The following SLC23A2 variants were observed in gnomAD, a reference collection of about 807,000 sequenced individuals.
SLC23A2 encodes solute carrier family 23 member 2.
In SLC23A2, 36 loss-of-function variants were observed where a neutral mutation model predicts 73.3. That is an observed-to-expected ratio of 0.49 (90% CI 0.38 to 0.65). The LOEUF (loss-of-function observed/expected upper bound fraction) is 0.65, where lower values mean the gene tolerates loss of function less well. SLC23A2 is among the 30% of genes least tolerant of loss of function. The pLI, the probability that SLC23A2 is intolerant of heterozygous loss-of-function variation, is 0.00. For missense variants in SLC23A2, 507 were observed against 841.6 expected, an observed-to-expected ratio of 0.60 and a Z score of 4.92; for synonymous variants, 343 against 327.3, an observed-to-expected ratio of 1.05 and a Z score of -0.52.
chr20:4,957,553 G>A (rs2087310331), intron 2 of SLC23A2, among the ~76,000 whole-genome samples: 1 of 148,418 alleles, frequency 6.7e-6, no homozygotes, highest in African/African-American at 2.5e-5. Flanking sequence ...TCTTATCCCA[G>A]CATGTCAGAG....
chr20:4,951,455 G>A (rs1344475086), intron 2 of SLC23A2, among the ~76,000 whole-genome samples: 2 of 152,274 alleles, frequency 1.3e-5, no homozygotes, highest in Middle Eastern at 3.4e-3. Context: ...AGCTGGGCAG[G>A]AAAAAGCAAA....
chr20:4,896,317 C>T (rs552113815), intron 6 of SLC23A2, among the ~76,000 whole-genome samples: 7 of 152,124 alleles, frequency 4.6e-5, no homozygotes, highest in African/African-American at 7.2e-5. Context: ...TGAGGCCGTG[C>T]GGAGCAGGAG....
chr20:5,004,678 C>CTGAA (rs2088170248), upstream of SLC23A2, among the ~76,000 whole-genome samples: 1 of 151,794 alleles, frequency 6.6e-6, no homozygotes, highest in Non-Finnish European at 1.5e-5. Context: ...GACCCCATCT[C>CTGAA]TGAATAAATA....
In SLC23A2 at chr20:4,887,947, C is replaced by T. The variant is rs369283273; in HGVS notation, c.483-2038G>A. ...TAACAAAGCCAATTTTCCAAGAAAA[C>T]GGCTGAAGGTGATGAGAGTGGCTTT... On this transcript the variant is annotated intron_variant, in intron 6 of 16. Transcript: ENST00000338244. Among the ~76,000 whole-genome samples the T allele has an allele frequency of 3.3e-5, 5 of 152,312 alleles. No homozygotes were observed. In the East Asian group the frequency reaches 7.7e-4, roughly 24 times the overall value.
At chr20:4,867,652 G>T in intron 13 of SLC23A2, 118 bp downstream of exon 13, 4 of 425,388 alleles carry the variant, frequency 9.4e-6, no homozygotes, top group Middle Eastern at 3.9e-4. Flanking sequence ...AAAAAAAGGA[G>T]AGAAGTAATT....
chr20:4,891,355 G>A (rs546961374), intron 6 of SLC23A2, among the ~76,000 whole-genome samples: 1 of 152,340 alleles, frequency 6.6e-6, no homozygotes, highest in African/African-American at 2.4e-5. Flanking sequence ...GCTAACAGAG[G>A]AAGGGTGGAG....
rs6037996 is a variant in SLC23A2, at chr20:4,862,401, C to T, written c.1487-316G>A. 3.3e-5 allele frequency among the ~76,000 whole-genome samples: 5 copies of T among 152,212 alleles called. No individual in the cohort carries two copies. The highest frequency in any genetic ancestry group is 6.5e-5 in the Admixed American group (1 of 15,278). Reference sequence around the variant, plus strand: ...ATTTTGATTAAACAGGGAGACCTACCTAAATATCTGGTGCATGTCTCTGGT... The same window carrying T: ...ATTTTGATTAAACAGGGAGACCTACTTAAATATCTGGTGCATGTCTCTGGT... On this transcript the variant is annotated intron_variant, in intron 14 of 16. Coordinates refer to ENST00000338244, the MANE Select transcript of SLC23A2 (RefSeq NM_005116.6). This position sits in a 1 kb window ranked among gnomAD's most constrained non-coding sequence, Gnocchi z 5.1.
intron 9 of SLC23A2, among the ~76,000 whole-genome samples, chr20:4,879,333 C>T (rs979616919): frequency 1.5e-5 from 2 of 136,328 alleles, no homozygotes; most frequent in Non-Finnish European, 3.0e-5. Flanking sequence ...TGCTGGCAGC[C>T]GGGAGGTGGT....
At chr20:4,953,821 G>A (rs765038242) in intron 2 of SLC23A2, among the ~76,000 whole-genome samples, 17 of 152,046 alleles carry the variant, frequency 1.1e-4, no homozygotes, top group African/African-American at 2.9e-4. Context: ...CGCAGGAGGC[G>A]GAGGTTGCAG....
At chr20:4,893,213 G>A (rs1234448412) in intron 6 of SLC23A2, among the ~76,000 whole-genome samples, 8 of 151,804 alleles carry the variant, frequency 5.3e-5, no homozygotes, top group Non-Finnish European at 7.4e-5. Flanking sequence ...ACAGGTGCAC[G>A]CCACCACACC....
chr20:4,872,122 C>T lies in SLC23A2; in HGVS notation c.1102+1814G>A, dbSNP rs1166415629. Among the ~76,000 whole-genome samples the T allele has an allele frequency of 6.6e-6, 1 of 152,076 alleles. No homozygotes were observed. The highest frequency in any genetic ancestry group is 1.5e-5 in the Non-Finnish European group (1 of 68,008). ...TTACTTGACAGCAGGGTTTTTCAAC[C>T]TCAGCACTGTTGACATTTTGCACCA... On this transcript the variant is annotated intron_variant, in intron 11 of 16. Transcript: ENST00000338244. The surrounding 1 kb of genome is among the most constrained non-coding windows in gnomAD (Gnocchi z 4.4).
intron 2 of SLC23A2, among the ~76,000 whole-genome samples, chr20:4,966,161 G>C (rs115624693): frequency 0.019 from 2,859 of 152,184 alleles, 90 homozygotes; most frequent in African/African-American, 0.063. Context: ...GGGGGCAGCA[G>C]GGGAGATCAA....
chr20:4,999,417 T>C (rs2088079947), intron 1 of SLC23A2, among the ~76,000 whole-genome samples: 1 of 152,178 alleles, frequency 6.6e-6, no homozygotes, highest in Admixed American at 6.6e-5. Context: ...CCGGGACACA[T>C]GACTCACTTC....
At chr20:4,906,552 A>G (rs1776966) in intron 4 of SLC23A2, among the ~76,000 whole-genome samples, 120,887 of 152,036 alleles carry the variant, frequency 0.8, 48,327 homozygotes, top group Non-Finnish European at 0.83. Flanking sequence ...CCCAGGAGGC[A>G]GAGGCTGCAG....
Position 4,981,551 on chromosome 20 carries a change from C to T in SLC23A2, c.-281-10632G>A, listed in dbSNP as rs117206255. ...AGTTTTTTAAAGTTTCCCAGGTGAT[C>T]GCAATTTGCTGTCGAGGTTGAGGAC... is the stretch of plus-strand genomic sequence containing the variant. On this transcript the variant is annotated intron_variant, in intron 1 of 16. Coordinates refer to ENST00000338244, the MANE Select transcript of SLC23A2 (RefSeq NM_005116.6). Among the ~76,000 whole-genome samples the T allele has an allele frequency of 4.7e-4, 71 of 152,214 alleles. No individual in the cohort carries two copies. The East Asian group carries it at 0.013, about 27-fold the overall frequency.
intron 1 of SLC23A2, among the ~76,000 whole-genome samples, chr20:4,981,524 G>A (rs961761507): frequency 1.3e-5 from 2 of 152,146 alleles, no homozygotes; most frequent in African/African-American, 2.4e-5. Context: ...GCCAGCATCC[G>A]TAGTTTTTTA....
chr20:4,883,682 C>T lies in SLC23A2; in HGVS notation c.784G>A (p.Ala262Thr), dbSNP rs760665771. Residue 262 changes from alanine to threonine, a missense_variant, in exon 9 of 17, where the codon GCG (alanine) becomes ACG (threonine). Ala to Thr is a moderately conservative substitution (Grantham distance 58). Around this residue, in one of 5 missense-constraint regions of SLC23A2, gnomAD observed 217 missense variants for 398.0 expected, o/e 0.55. Coordinates refer to ENST00000338244, the MANE Select transcript of SLC23A2 (RefSeq NM_005116.6). The surrounding 1 kb of genome is among the most constrained non-coding windows in gnomAD (Gnocchi z 4.5). ...CAGTGCTTCCCGGCTCTCTCCCCCG[C>T]TGCCTGGAAACCAGAGAGGCCAATT... ...ALIGLSGFQA[A>T]GERAGKHWGI... 1 of 1,613,670 alleles carries T rather than the reference C, an allele frequency of 6.2e-7. No individual in the cohort carries two copies. The highest frequency in any genetic ancestry group is 1.1e-5 in the South Asian group (1 of 91,034).
At chr20:4,906,949 A>G (rs1177035211) in intron 4 of SLC23A2, among the ~76,000 whole-genome samples, 1 of 152,252 alleles carries the variant, frequency 6.6e-6, no homozygotes, top group African/African-American at 2.4e-5. Flanking sequence ...CTGGCTGACC[A>G]GCAGGACCCC....
chr20:4,992,635 C>T (rs1197655008), intron 1 of SLC23A2, among the ~76,000 whole-genome samples: 1 of 151,104 alleles, frequency 6.6e-6, no homozygotes, highest in Non-Finnish European at 1.5e-5. Context: ...CTCAGCCTCC[C>T]GAGTAGCTGG....
Sources: allele counts gnomAD v4.1 joint callset (sites outside exome capture counted in the v4.1 genomes callset), GRCh38; gene constraint gnomAD v4.1.1; regional missense constraint gnomAD v4.1.1; non-coding constraint Gnocchi (gnomAD v3.1); transcripts MANE v1.5; gene names NCBI Gene and HGNC (gene_info 2026-07-23, HGNC 2026-07-21).